The following HNF4G variants were observed in gnomAD, a reference collection of about 807,000 sequenced individuals.
HNF4G encodes the protein hepatocyte nuclear factor 4 gamma.
Under a neutral mutation model 50.9 loss-of-function variants are expected in HNF4G, and 21 were observed. The ratio of observed to expected loss-of-function variants is 0.41; its 90% confidence interval spans 0.29 to 0.59. The LOEUF (loss-of-function observed/expected upper bound fraction) is 0.59, where lower values mean the gene tolerates loss of function less well. HNF4G is among the 20% of genes least tolerant of loss of function. The pLI is 0.26. For missense variants in HNF4G, 527 were observed against 559.4 expected (o/e 0.94, Z 0.58); for synonymous variants, 198 against 185.6 (o/e 1.07, Z -0.54).
At chr8:75,425,896 G>A (rs1450690189) in intron 1 of HNF4G, among the ~76,000 whole-genome samples, 8 of 151,932 alleles carry the variant, frequency 5.3e-5, no homozygotes, top group Admixed American at 1.3e-4. Context: ...CCTTTCTGAC[G>A]GGTATATTTC....
chr8:75,542,912 C>T (rs955702458), intron 1 of HNF4G, among the ~76,000 whole-genome samples: 2 of 152,084 alleles, frequency 1.3e-5, no homozygotes, highest in East Asian at 1.9e-4. Context: ...TCAGGCCAGG[C>T]GCAGTGGCTC....
At chr8:75,474,729 G>A (rs535621985) in intron 1 of HNF4G, among the ~76,000 whole-genome samples, 51 of 151,788 alleles carry the variant, frequency 3.4e-4, no homozygotes, top group Middle Eastern at 3.4e-3. Context: ...ATTTTTTGTC[G>A]CTCTGTTGCC....
At chr8:75,473,443 G>A (rs1364115843) in intron 1 of HNF4G, among the ~76,000 whole-genome samples, 1 of 152,180 alleles carries the variant, frequency 6.6e-6, no homozygotes, top group East Asian at 1.9e-4. Flanking sequence ...GATTAAAAAT[G>A]TTTGAAAAAT....
chr8:75,485,908 T>A (rs1812486758), intron 1 of HNF4G: 1 of 152,170 alleles, frequency 6.6e-6, no homozygotes, highest in Non-Finnish European at 1.5e-5. Context: ...GCATGTATTT[T>A]GAGATACAGC....
intron 2 of HNF4G, among the ~76,000 whole-genome samples, chr8:75,504,711 A>T (rs972788396): frequency 3.7e-4 from 57 of 152,114 alleles, no homozygotes; most frequent in African/African-American, 1.3e-3. Flanking sequence ...CTTTGTCTAA[A>T]TTGCAAATTT....
At chr8:75,423,744 T>A (rs182245673) in intron 1 of HNF4G, among the ~76,000 whole-genome samples, 1 of 150,732 alleles carries the variant, frequency 6.6e-6, no homozygotes, top group African/African-American at 2.4e-5. Context: ...AAGAATTTTT[T>A]AACATGAGAA....
intron 2 of HNF4G, among the ~76,000 whole-genome samples, chr8:75,498,854 A>C (rs571190528): frequency 2.0e-5 from 3 of 152,212 alleles, no homozygotes; most frequent in Admixed American, 1.3e-4. Context: ...CACTTTTAAG[A>C]AACAACACTT....
chr8:75,528,956 C>G (rs1471380470), intron 2 of HNF4G, among the ~76,000 whole-genome samples: 1 of 152,018 alleles, frequency 6.6e-6, no homozygotes, highest in African/African-American at 2.4e-5. Flanking sequence ...TCCTGCCTGG[C>G]AGCAGGAGAG....
intron 1 of HNF4G, among the ~76,000 whole-genome samples, chr8:75,439,786 AG>A (rs1203456970): frequency 6.6e-6 from 1 of 152,042 alleles, no homozygotes; most frequent in Non-Finnish European, 1.5e-5. Context: ...AAATACAATA[AG>A]CTTACATGTT....
chr8:75,526,913 C>T (rs973102336), intron 2 of HNF4G: 2 of 152,116 alleles, frequency 1.3e-5, no homozygotes, highest in East Asian at 1.9e-4. Context: ...ACTACAGACG[C>T]CCGCCACCAC....
intron 1 of HNF4G, among the ~76,000 whole-genome samples, chr8:75,424,549 C>A (rs920133745): frequency 1.3e-5 from 2 of 152,144 alleles, no homozygotes; most frequent in African/African-American, 4.8e-5. Context: ...CTCCCTCCCA[C>A]CTTTTGGAGT....
Position 75,447,640 on chromosome 8 carries a change from C to T in HNF4G, c.-144+39478C>T, listed in dbSNP as rs1288543860. Among the ~76,000 whole-genome samples, 35 of 152,152 alleles carry T rather than the reference C, an allele frequency of 2.3e-4. 2 individuals are homozygous for T. The highest frequency in any genetic ancestry group is 2.4e-5 in the African/African-American group (1 of 41,442). ...GGGTGAAGGACATGAACAGACACTT[C>T]TCAAAAGAATACATTTATACAGCCA... On this transcript the variant is annotated intron_variant, in intron 1 of 10. Coordinates refer to the HNF4G transcript ENST00000354370.
At chr8:75,561,165 T>C (rs1807301344) in intron 9 of HNF4G, among the ~76,000 whole-genome samples, 1 of 152,196 alleles carries the variant, frequency 6.6e-6, no homozygotes, top group African/African-American at 2.4e-5. Flanking sequence ...TTTCTGAGAA[T>C]TCATTTAATG....
chr8:75,551,608 C>T, intron 4 of HNF4G, 114 bp downstream of exon 4: 4 of 602,052 alleles, frequency 6.6e-6, no homozygotes, highest in Non-Finnish European at 9.0e-6. Flanking sequence ...AAATAAGTTA[C>T]ATCTACACAC....
intron 1 of HNF4G, among the ~76,000 whole-genome samples, chr8:75,442,156 A>G (rs1811301074): frequency 6.6e-6 from 1 of 152,174 alleles, no homozygotes; most frequent in Non-Finnish European, 1.5e-5. Context: ...TAAAACTCAA[A>G]GAAATGCAAG....
rs767137467 is a variant in HNF4G, at chr8:75,547,699, G to A, written c.382+18G>A. On this transcript the variant is annotated intron_variant, in intron 3 of 9. Coordinates refer to ENST00000396423, the MANE Select transcript of HNF4G (RefSeq NM_004133.5). Reference sequence around the variant, plus strand: ...AAAAGAAGGTAATAATAATGATGATGATAATTAACATTATTGATGAAAAGT... The same window carrying A: ...AAAAGAAGGTAATAATAATGATGATAATAATTAACATTATTGATGAAAAGT... The A allele has an allele frequency of 1.1e-5, 15 of 1,345,958 alleles. No homozygotes were observed. The highest frequency in any genetic ancestry group is 2.3e-5 in the South Asian group (2 of 85,654). 83.4% of individuals were successfully genotyped at this position (1,345,958 alleles called of 1,614,324 possible). A position where few individuals can be genotyped will look rare whatever the true frequency, so the allele number is the denominator to read the frequency against.
At chr8:75,422,638 CT>C (rs761072653) in intron 1 of HNF4G, among the ~76,000 whole-genome samples, 168 of 145,760 alleles carry the variant, frequency 1.2e-3, no homozygotes, top group East Asian at 1.2e-3. Flanking sequence ...GCTGCATTAT[CT>C]TTTTTTTTTT....
At chr8:75,510,833 A>G (rs918637077) in intron 2 of HNF4G, among the ~76,000 whole-genome samples, 2 of 152,134 alleles carry the variant, frequency 1.3e-5, no homozygotes, top group African/African-American at 4.8e-5. Flanking sequence ...ATGTATTTAT[A>G]TATTTTATGT....
chr8:75,416,215 C>G (rs541148654), intron 1 of HNF4G, among the ~76,000 whole-genome samples: 33 of 152,162 alleles, frequency 2.2e-4, no homozygotes, highest in African/African-American at 7.5e-4. Context: ...CAAACACAGT[C>G]CTTTTGTTCA....
Sources: gnomAD v4.1 joint callset for allele counts (sites outside exome capture counted in the v4.1 genomes callset) on GRCh38, gnomAD v4.1.1 for gene constraint, MANE v1.5 for transcripts, NCBI Gene and HGNC (gene_info 2026-07-23, HGNC 2026-07-21) for gene names.